CHST11: variants seen among roughly 807,000 people sequenced by gnomAD.
CHST11 encodes C4S-1.
Under a neutral mutation model 30.4 loss-of-function variants are expected in CHST11, and 9 were observed. That is an observed-to-expected ratio of 0.30 (90% CI 0.18 to 0.52). The LOEUF (loss-of-function observed/expected upper bound fraction) is 0.52, where lower values mean the gene tolerates loss of function less well. Ranked by LOEUF, CHST11 falls within the 20% of genes least tolerant of loss-of-function variation. The pLI is 0.97. For missense variants in CHST11, 348 were observed against 460.6 expected (o/e 0.76, Z 2.24); for synonymous variants, 152 against 187.8 (o/e 0.81, Z 1.56).
At position 104,565,331 on chromosome 12, in the gene CHST11, A is replaced by G. The variant is rs186336530; in HGVS notation, c.119-36575A>G. Among the ~76,000 whole-genome samples the G allele has an allele frequency of 2.4e-3, 315 of 129,736 alleles. 1 individual carries two copies. Among genetic ancestry groups the G allele is most frequent in the African/African-American group, 9.0e-3 (300 of 33,168 alleles). The allele number at this position is 129,736 out of a possible 152,430, so 85.1% of individuals were successfully genotyped here. On this transcript the variant is annotated intron_variant, in intron 1 of 2. Coordinates refer to ENST00000303694, the MANE Select transcript of CHST11 (RefSeq NM_018413.6). ...GCTCAGGCTGGAGTGCAGTGGCATG[A>G]TCTTGGCTCACTGTAACCTCCACCT...
chr12:104,735,051 G>C (rs557235122), intron 2 of CHST11, among the ~76,000 whole-genome samples: 1 of 152,334 alleles, frequency 6.6e-6, no homozygotes, highest in East Asian at 1.9e-4. Flanking sequence ...GCTCAACACA[G>C]GGGATTCCAG....
At chr12:104,478,710 T>G (rs944450698) in intron 1 of CHST11, among the ~76,000 whole-genome samples, 11 of 152,178 alleles carry the variant, frequency 7.2e-5, no homozygotes, top group African/African-American at 2.7e-4. Context: ...ATCAGAAATG[T>G]TGGGGCCCAG....
Position 104,578,324 on chromosome 12 carries a change from T to C in CHST11, c.119-23582T>C, listed in dbSNP as rs2038704725. Reference sequence around the variant, plus strand: ...CCGTTGAACTAGATGCCTTGTAATATAATACACCTAACGATAAGTTTTCCT... The same window carrying C: ...CCGTTGAACTAGATGCCTTGTAATACAATACACCTAACGATAAGTTTTCCT... On this transcript the variant is annotated intron_variant, in intron 1 of 2. Transcript: ENST00000303694. 2.0e-5 allele frequency among the ~76,000 whole-genome samples: 3 copies of C among 152,188 alleles called. No individual in the cohort carries two copies. In the South Asian group the frequency reaches 6.2e-4, roughly 32 times the overall value.
rs115754429 is a variant in CHST11, at chr12:104,636,600, G to A, written c.204+34609G>A. Reference sequence around the variant, plus strand: ...TGCCGTTTATTTATTTATCAGTATTGTCTAGCCTTTTAAGAGCCTGGATGT... The same window carrying A: ...TGCCGTTTATTTATTTATCAGTATTATCTAGCCTTTTAAGAGCCTGGATGT... On this transcript the variant is annotated intron_variant, in intron 2 of 2. Coordinates refer to ENST00000303694, the MANE Select transcript of CHST11 (RefSeq NM_018413.6). Among the ~76,000 whole-genome samples the A allele has an allele frequency of 3.8e-3, 573 of 152,174 alleles. 4 individuals carry two copies. Among genetic ancestry groups the A allele is most frequent in the African/African-American group, 0.013 (548 of 41,512 alleles).
At position 104,676,196 on chromosome 12, in the gene CHST11, A is replaced by T. The variant is rs965084864; in HGVS notation, c.204+74205A>T. On this transcript the variant is annotated intron_variant, in intron 2 of 2. Transcript: ENST00000303694. This position sits in a 1 kb window ranked among gnomAD's most constrained non-coding sequence, Gnocchi z 4.4. ...ATGCTACAAAGTAGAGGCTGAAACA[A>T]TATAAATGTGTTATTTTACTGTTCT... Among the ~76,000 whole-genome samples the T allele has an allele frequency of 6.6e-6, 1 of 152,232 alleles. No homozygotes were observed. The highest frequency in any genetic ancestry group is 2.4e-5 in the African/African-American group (1 of 41,452).
chr12:104,569,704 T>G (rs1016406797), intron 1 of CHST11, among the ~76,000 whole-genome samples: 2 of 152,178 alleles, frequency 1.3e-5, no homozygotes, highest in Non-Finnish European at 2.9e-5. Context: ...CTGCACCTTC[T>G]CCATTGATCT....
At chr12:104,634,778 T>C (rs1368601199) in intron 2 of CHST11, among the ~76,000 whole-genome samples, 2 of 152,198 alleles carry the variant, frequency 1.3e-5, no homozygotes, top group Non-Finnish European at 2.9e-5. Context: ...AGTGGCTTCC[T>C]ACTGATGTCT....
Position 104,463,100 on chromosome 12 carries a change from T to C in CHST11, c.118+5571T>C, listed in dbSNP as rs138100834. ...TCATAGCTTTATCAGCACAGTCATT[T>C]CAAAACAGGAAGTCAAAGGCTCATA... On this transcript the variant is annotated intron_variant, in intron 1 of 2. Coordinates refer to ENST00000303694, the MANE Select transcript of CHST11 (RefSeq NM_018413.6). Among the ~76,000 whole-genome samples, 689 of 152,274 alleles carry C rather than the reference T, an allele frequency of 4.5e-3. 2 individuals carry two copies. Among genetic ancestry groups the C allele is most frequent in the Non-Finnish European group, 8.3e-3 (565 of 68,014 alleles).
At chr12:104,719,360 T>C (rs1187090313) in intron 2 of CHST11, among the ~76,000 whole-genome samples, 1 of 152,156 alleles carries the variant, frequency 6.6e-6, no homozygotes, top group African/African-American at 2.4e-5. Flanking sequence ...TCATGTTCTT[T>C]CCCATCAATT....
chr12:104,661,169 A>G (rs1023850594), intron 2 of CHST11, among the ~76,000 whole-genome samples: 4 of 152,184 alleles, frequency 2.6e-5, no homozygotes, highest in African/African-American at 9.7e-5. Context: ...TTCCTCATCC[A>G]TAAAAACGGA....
intron 2 of CHST11, among the ~76,000 whole-genome samples, chr12:104,660,418 C>T (rs1198196324): frequency 1.3e-5 from 2 of 152,188 alleles, no homozygotes; most frequent in Non-Finnish European, 2.9e-5. Context: ...GCAGAGCCAC[C>T]GTCTTGCTCT....
At chr12:104,706,621 G>A (rs559709027) in intron 2 of CHST11, among the ~76,000 whole-genome samples, 1 of 152,232 alleles carries the variant, frequency 6.6e-6, no homozygotes, top group African/African-American at 2.4e-5. Flanking sequence ...CCCCAGCCTT[G>A]AATGACTTTG....
intron 2 of CHST11, among the ~76,000 whole-genome samples, chr12:104,645,644 TC>T (rs1555240177): frequency 1.3e-5 from 2 of 151,352 alleles, no homozygotes; most frequent in African/African-American, 4.9e-5. Flanking sequence ...GGGCTCCAAG[TC>T]CTTCCCCCCC....
At chr12:104,580,136 G>A (rs2038726542) in intron 1 of CHST11, among the ~76,000 whole-genome samples, 1 of 152,210 alleles carries the variant, frequency 6.6e-6, no homozygotes, top group Non-Finnish European at 1.5e-5. Context: ...GGGGATTGAA[G>A]CCAGACATCA....
chr12:104,652,521 C>T (rs2039501367), intron 2 of CHST11, among the ~76,000 whole-genome samples: 1 of 152,320 alleles, frequency 6.6e-6, no homozygotes, highest in East Asian at 1.9e-4. Flanking sequence ...GTGTATTTTG[C>T]TGGACTGCCT....
chr12:104,607,106 G>T (rs1476471594), intron 2 of CHST11, among the ~76,000 whole-genome samples: 1 of 151,934 alleles, frequency 6.6e-6, no homozygotes, highest in Admixed American at 6.6e-5. Flanking sequence ...AAAAATTGCA[G>T]ATTTATTTTT....
At chr12:104,631,539 T>C (rs992332059) in intron 2 of CHST11, among the ~76,000 whole-genome samples, 1 of 152,002 alleles carries the variant, frequency 6.6e-6, no homozygotes, top group Non-Finnish European at 1.5e-5. Flanking sequence ...AAGTTACCTC[T>C]TCATGGGGGA....
rs1448807477 is a variant in CHST11 at position 104,757,141 on chromosome 12, C to A, written c.397C>A (p.Arg133=). ...VPKVACTNWK[R]LMMVLTGRGK... ...CAAGGTGGCCTGCACCAACTGGAAGCGGCTCATGATGGTCCTGACCGGGCG... is the reference window on the plus strand; with the variant it reads ...CAAGGTGGCCTGCACCAACTGGAAGAGGCTCATGATGGTCCTGACCGGGCG... Residue 133 remains arginine, a synonymous_variant, in exon 3 of 3, where the codon CGG becomes AGG. Coordinates refer to ENST00000303694, the MANE Select transcript of CHST11 (RefSeq NM_018413.6). This position sits in a 1 kb window ranked among gnomAD's most constrained non-coding sequence, Gnocchi z 6.5. 1.2e-6 allele frequency: 2 copies of A among 1,613,966 alleles called. No individual in the cohort carries two copies. Among genetic ancestry groups the A allele is most frequent in the East Asian group, 4.5e-5 (2 of 44,878 alleles).
Position 104,761,675 on chromosome 12 carries a change from C to T in CHST11, c.*3872C>T, listed in dbSNP as rs551378825. Reference sequence around the variant, plus strand: ...ACAGGCAACAAGGCCTTCTAGAATCCGCTTAACCCTTGGCTGATAACAGGC... The same window carrying T: ...ACAGGCAACAAGGCCTTCTAGAATCTGCTTAACCCTTGGCTGATAACAGGC... On this transcript the variant is annotated 3_prime_UTR_variant, in exon 3 of 3. Transcript: ENST00000303694. 2.0e-5 allele frequency: 3 copies of T among 152,350 alleles called. No homozygotes were observed. The highest frequency in any genetic ancestry group is 6.5e-5 in the Admixed American group (1 of 15,298). The allele number at this position is 152,350 out of a possible 1,614,324, so 9.4% of individuals were successfully genotyped here. A position where few individuals can be genotyped will look rare whatever the true frequency, so the allele number is the denominator to read the frequency against.
Sources: allele counts gnomAD v4.1 joint callset (sites outside exome capture counted in the v4.1 genomes callset), GRCh38; gene constraint gnomAD v4.1.1; non-coding constraint Gnocchi (gnomAD v3.1); transcripts MANE v1.5; gene names NCBI Gene and HGNC (gene_info 2026-07-23, HGNC 2026-07-21).